KCNQ1OT1: variants seen among roughly 807,000 people sequenced by gnomAD.
KCNQ1OT1 encodes KCNQ1 opposite strand/antisense transcript 1, also known as KCNQ1 antisense RNA 2 (non-protein coding).
Position 2,611,482 on chromosome 11 carries a change from G to T in KCNQ1OT1, n.88513C>A. 1 of 398,120 alleles carries T rather than the reference G, an allele frequency of 2.5e-6. No individual in the cohort carries two copies. Among genetic ancestry groups the T allele is most frequent in the South Asian group, 1.4e-4 (1 of 7,390 alleles). 24.7% of individuals were successfully genotyped at this position (398,120 alleles called of 1,614,324 possible). ...CTGCCTCAGCCTCCCAAAATGCTGG[G>T]ATTACAGGTGTGAGCCACTGCACCC... On this transcript the variant is annotated non_coding_transcript_exon_variant, in exon 1 of 1. Transcript: ENST00000597346. The surrounding 1 kb of genome is among the most constrained non-coding windows in gnomAD (Gnocchi z 5.3).
rs1004732166 is a variant in KCNQ1OT1 at position 2,652,957 on chromosome 11, A to G, written n.47038T>C. On this transcript the variant is annotated non_coding_transcript_exon_variant, in exon 1 of 1. Transcript: ENST00000597346. The surrounding 1 kb of genome is among the most constrained non-coding windows in gnomAD (Gnocchi z 5.9). ...AGCATCCTCCCTGGGACTTCTCAGG[A>G]TTCCGGAAGTCATCTTTGACTGTGT... 4 of 398,520 alleles carry G rather than the reference A, an allele frequency of 1.0e-5. No individual in the cohort carries two copies. Among genetic ancestry groups the G allele is most frequent in the African/African-American group, 8.2e-5 (4 of 48,630 alleles). 24.7% of individuals were successfully genotyped at this position (398,520 alleles called of 1,614,324 possible).
chr11:2,691,247 G>A lies in KCNQ1OT1; in HGVS notation n.8748C>T, dbSNP rs1850583239. On this transcript the variant is annotated non_coding_transcript_exon_variant, in exon 1 of 1. Transcript: ENST00000597346. This position sits in a 1 kb window ranked among gnomAD's most constrained non-coding sequence, Gnocchi z 6.4. ...AGAGGATCTGCAGTTAACCCCTTGA[G>A]TCTCGGAAGGCTGTTTGAGCCACTA... 2.5e-6 allele frequency: 1 copy of A among 398,632 alleles called. No homozygotes were observed. 24.7% of individuals were successfully genotyped at this position (398,632 alleles called of 1,614,324 possible).
rs1330546144 is a variant in KCNQ1OT1, at chr11:2,661,429, G to C, written n.38566C>G. 1 of 425,850 alleles carries C rather than the reference G, an allele frequency of 2.3e-6. No individual in the cohort carries two copies. Among genetic ancestry groups the C allele is most frequent in the Non-Finnish European group, 4.1e-6 (1 of 241,634 alleles). The allele number at this position is 425,850 out of a possible 1,614,324, so 26.4% of individuals were successfully genotyped here. On this transcript the variant is annotated non_coding_transcript_exon_variant, in exon 1 of 1. Transcript: ENST00000597346. This position sits in a 1 kb window ranked among gnomAD's most constrained non-coding sequence, Gnocchi z 5.9. ...CCTGTGCCTCATTGGGGGTACAACT[G>C]GTTGATGTAGCATCGTGTTTTGAGG...
rs965221992 is a variant in KCNQ1OT1, at chr11:2,670,604, C to T, written n.29391G>A. ...AAGCCAGGGCTCATTCCCAGACACA[C>T]AATCTCTGGGGGAGCCTGGATATGC... On this transcript the variant is annotated non_coding_transcript_exon_variant, in exon 1 of 1. Transcript: ENST00000597346. The surrounding 1 kb of genome is among the most constrained non-coding windows in gnomAD (Gnocchi z 4.9). The T allele has an allele frequency of 1.3e-5, 5 of 398,288 alleles. No homozygotes were observed. Among genetic ancestry groups the T allele is most frequent in the African/African-American group, 2.1e-5 (1 of 48,518 alleles). 24.7% of individuals were successfully genotyped at this position (398,288 alleles called of 1,614,324 possible). A position where few individuals can be genotyped will look rare whatever the true frequency, so the allele number is the denominator to read the frequency against.
exon 1 of KCNQ1OT1, chr11:2,641,158 A>G (rs998848025): frequency 5.0e-6 from 2 of 398,372 alleles, no homozygotes; most frequent in African/African-American, 4.1e-5. Context: ...TAGTATACTG[A>G]TATCTTTTCC....
At chr11:2,618,342 A>G (rs1849103618) in exon 1 of KCNQ1OT1, 1 of 398,594 alleles carries the variant, frequency 2.5e-6, no homozygotes, top group East Asian at 3.6e-5. Flanking sequence ...GTTTTAACAA[A>G]GTTTACAAAT....
chr11:2,625,855 C>T (rs1467394828), exon 1 of KCNQ1OT1: 1 of 398,698 alleles, frequency 2.5e-6, no homozygotes, highest in Non-Finnish European at 4.4e-6. Context: ...AGGCGTGAGC[C>T]ACCGTGCCTG....
rs1335411338 is a variant in KCNQ1OT1 at position 2,662,021 on chromosome 11, T to C, written n.37974A>G. On this transcript the variant is annotated non_coding_transcript_exon_variant, in exon 1 of 1. Coordinates refer to ENST00000597346, the Ensembl canonical transcript of KCNQ1OT1. ...CCCCATTTCATGAGAACCAACAGCTTCGCCGAGGACCTGGACCTGGAAGGG... is the reference window on the plus strand; with the variant it reads ...CCCCATTTCATGAGAACCAACAGCTCCGCCGAGGACCTGGACCTGGAAGGG... 6.2e-7 allele frequency: 1 copy of C among 1,614,212 alleles called. No homozygotes were observed. Among genetic ancestry groups the C allele is most frequent in the South Asian group, 1.1e-5 (1 of 91,088 alleles).
At position 2,673,233 on chromosome 11, in the gene KCNQ1OT1, T is replaced by A. The variant is rs941113692; in HGVS notation, n.26762A>T. ...TAGGCAAGCTGAGTCCCCTGTAGAT[T>A]CTGGGGACTGGGTGATGCAGACTGC... On this transcript the variant is annotated non_coding_transcript_exon_variant, in exon 1 of 1. Coordinates refer to ENST00000597346, the Ensembl canonical transcript of KCNQ1OT1. The surrounding 1 kb of genome is among the most constrained non-coding windows in gnomAD (Gnocchi z 4.5). 5 of 398,560 alleles carry A rather than the reference T, an allele frequency of 1.3e-5. No homozygotes were observed. Among genetic ancestry groups the A allele is most frequent in the Non-Finnish European group, 2.2e-5 (5 of 226,116 alleles). The allele number at this position is 398,560 out of a possible 1,614,324, so 24.7% of individuals were successfully genotyped here.
At chr11:2,616,685 T>A (rs1760690431) in exon 1 of KCNQ1OT1, 1 of 398,192 alleles carries the variant, frequency 2.5e-6, no homozygotes, top group African/African-American at 2.1e-5. Context: ...TCCCTGAATT[T>A]GTTAATTTTT....
At chr11:2,684,983 G>A in exon 1 of KCNQ1OT1, 2 of 398,660 alleles carry the variant, frequency 5.0e-6, no homozygotes, top group Non-Finnish European at 8.8e-6. Flanking sequence ...CAATTTTACG[G>A]ACTGGTTGCT....
exon 1 of KCNQ1OT1, chr11:2,667,696 T>C: frequency 2.5e-6 from 1 of 398,744 alleles, no homozygotes; most frequent in Admixed American, 4.4e-5. Flanking sequence ...GGAGGTGACC[T>C]AGTCAGGAAG....
chr11:2,669,213 T>C lies in KCNQ1OT1; in HGVS notation n.30782A>G. 7.5e-6 allele frequency: 3 copies of C among 398,756 alleles called. No individual in the cohort carries two copies. The highest frequency in any genetic ancestry group is 1.3e-5 in the Non-Finnish European group (3 of 226,132). 24.7% of individuals were successfully genotyped at this position (398,756 alleles called of 1,614,324 possible). On this transcript the variant is annotated non_coding_transcript_exon_variant, in exon 1 of 1. Transcript: ENST00000597346. This position sits in a 1 kb window ranked among gnomAD's most constrained non-coding sequence, Gnocchi z 5.6. ...TCTCACTGTAGTTTGCTAACAGGTT[T>C]TGACAGCTGGTCCTGCTGGCTCTGG...
At chr11:2,680,764 C>CTTA (rs1229819781) in exon 1 of KCNQ1OT1, 1 of 362,838 alleles carries the variant, frequency 2.8e-6, no homozygotes, top group Non-Finnish European at 4.9e-6. Flanking sequence ...AACTACTAAC[C>CTTA]TATTCTTCAT....
chr11:2,619,380 A>G, exon 1 of KCNQ1OT1: 1 of 398,562 alleles, frequency 2.5e-6, no homozygotes, highest in Non-Finnish European at 4.4e-6. Flanking sequence ...ATTTATCAAC[A>G]AAGGATGTTC....
exon 1 of KCNQ1OT1, chr11:2,638,834 G>A (rs937226295): frequency 3.9e-5 from 6 of 152,158 alleles, no homozygotes; most frequent in Non-Finnish European, 7.3e-5. Flanking sequence ...CATTCTCCCT[G>A]TCATTTTCAT....
chr11:2,620,866 T>A lies in KCNQ1OT1; in HGVS notation n.79129A>T. On this transcript the variant is annotated non_coding_transcript_exon_variant, in exon 1 of 1. Coordinates refer to ENST00000597346, the Ensembl canonical transcript of KCNQ1OT1. The surrounding 1 kb of genome is among the most constrained non-coding windows in gnomAD (Gnocchi z 4.5). ...TCCCAGCAACTTTTATTTTTTTGAC[T>A]TTTTAATAATTGCCATTCTGACTGG... 1 of 398,586 alleles carries A rather than the reference T, an allele frequency of 2.5e-6. No homozygotes were observed. The allele number at this position is 398,586 out of a possible 1,614,324, so 24.7% of individuals were successfully genotyped here. A position where few individuals can be genotyped will look rare whatever the true frequency, so the allele number is the denominator to read the frequency against.
At chr11:2,635,924 T>C (rs1849456900) in exon 1 of KCNQ1OT1, 1 of 152,194 alleles carries the variant, frequency 6.6e-6, no homozygotes, top group Non-Finnish European at 1.5e-5. Context: ...GATTCCTAGG[T>C]ATTTTATTCT....
At position 2,683,614 on chromosome 11, in the gene KCNQ1OT1, C is replaced by A; in HGVS notation, n.16381G>T. On this transcript the variant is annotated non_coding_transcript_exon_variant, in exon 1 of 1. Transcript: ENST00000597346. This position sits in a 1 kb window ranked among gnomAD's most constrained non-coding sequence, Gnocchi z 4.7. Reference sequence around the variant, plus strand: ...ATGCCAACTCATTTCAAATACTGCTCTAGACAACTGGGCCCTGCATCTGCT... The same window carrying A: ...ATGCCAACTCATTTCAAATACTGCTATAGACAACTGGGCCCTGCATCTGCT... The A allele has an allele frequency of 2.5e-6, 1 of 398,652 alleles. No homozygotes were observed. The highest frequency in any genetic ancestry group is 1.3e-4 in the South Asian group (1 of 7,858). The allele number at this position is 398,652 out of a possible 1,614,324, so 24.7% of individuals were successfully genotyped here.
Sources: allele counts gnomAD v4.1 joint callset, GRCh38; gene constraint gnomAD v4.1.1; non-coding constraint Gnocchi (gnomAD v3.1); transcripts MANE v1.5; gene names NCBI Gene and HGNC (gene_info 2026-07-23, HGNC 2026-07-21).